The following DLGAP2 variants were observed in gnomAD, a reference collection of about 807,000 sequenced individuals.
The protein encoded by DLGAP2 is DLG associated protein 2, also known as disks large-associated protein 2.
Under a neutral mutation model 100.3 loss-of-function variants are expected in DLGAP2, and 26 were observed. The ratio of observed to expected loss-of-function variants is 0.26; its 90% CI spans 0.19 to 0.36. The LOEUF is 0.36. Among genes scored for constraint, DLGAP2 ranks in the 10% least tolerant of loss-of-function variants. The probability of loss-of-function intolerance (pLI) is 1.00; values close to 1 mark genes in which losing one functional copy is unlikely to be tolerated. For synonymous variants in DLGAP2, 886 were observed against 630.1 expected, an observed-to-expected ratio of 1.41 and a Z score of -6.08; for missense variants, 1,858 against 1,453.2, an observed-to-expected ratio of 1.28 and a Z score of -4.53.
At chr8:936,136 C>T (rs896800466) in intron 2 of DLGAP2, among the ~76,000 whole-genome samples, 2 of 152,044 alleles carry the variant, frequency 1.3e-5, no homozygotes, top group African/African-American at 2.4e-5. Context: ...TACCGTGTGT[C>T]GCTGAGTCAC....
At chr8:894,396 G>T (rs1260890624) in intron 1 of DLGAP2, among the ~76,000 whole-genome samples, 1 of 152,114 alleles carries the variant, frequency 6.6e-6, no homozygotes, top group African/African-American at 2.4e-5. Flanking sequence ...CAGGAGTGAT[G>T]TGTGGGTGAA....
intron 2 of DLGAP2, among the ~76,000 whole-genome samples, chr8:1,151,694 G>C (rs753878239): frequency 1.3e-5 from 2 of 152,200 alleles, no homozygotes; most frequent in African/African-American, 4.8e-5. Flanking sequence ...AGCTCAAAGC[G>C]GTGCTTAGGC....
intron 2 of DLGAP2, among the ~76,000 whole-genome samples, chr8:970,195 C>CT (rs1799978747): frequency 6.6e-6 from 1 of 152,072 alleles, no homozygotes; most frequent in South Asian, 2.1e-4. Flanking sequence ...AGTGATCAAG[C>CT]TTTTCTTCAT....
chr8:1,211,551 G>A (rs1185346042), intron 2 of DLGAP2, among the ~76,000 whole-genome samples: 1 of 152,218 alleles, frequency 6.6e-6, no homozygotes, highest in Non-Finnish European at 1.5e-5. Context: ...TATGTGAGGT[G>A]TTGCCACCAC....
rs368597899 is a variant in DLGAP2 at position 1,565,676 on chromosome 8, C to A, written c.1231-7C>A. On this transcript the variant is annotated splice_polypyrimidine_tract_variant and splice_region_variant and intron_variant, in intron 5 of 14. Transcript: ENST00000637795. The stretch of plus-strand genomic sequence containing the variant: ...TTGATGCGTGTTTCATGTCTGTCTG[C>A]TCCCAGGTACCTCAGGATGAGTGGG... The A allele has an allele frequency of 6.2e-7, 1 of 1,607,390 alleles. No homozygotes were observed. Among genetic ancestry groups the A allele is most frequent in the Non-Finnish European group, 8.5e-7 (1 of 1,176,082 alleles).
intron 2 of DLGAP2, among the ~76,000 whole-genome samples, chr8:1,067,595 G>T (rs980170084): frequency 6.8e-5 from 10 of 146,216 alleles, no homozygotes; most frequent in Non-Finnish European, 1.2e-4. Flanking sequence ...GACTCAGGTG[G>T]TTGAGTGACG....
At chr8:1,077,602 G>A (rs35220148) in intron 2 of DLGAP2, among the ~76,000 whole-genome samples, 66,442 of 151,944 alleles carry the variant, frequency 0.44, 15,209 homozygotes, top group African/African-American at 0.57. Flanking sequence ...GTGTATGCTC[G>A]GGATTGTTTA....
intron 6 of DLGAP2, among the ~76,000 whole-genome samples, chr8:1,610,339 A>G (rs1796954278): frequency 1.3e-5 from 2 of 151,926 alleles, no homozygotes; most frequent in South Asian, 4.2e-4. Context: ...TTTGAAACCA[A>G]CGAGAACAAA....
chr8:1,018,261 A>G (rs569659603), intron 2 of DLGAP2, among the ~76,000 whole-genome samples: 3 of 152,270 alleles, frequency 2.0e-5, no homozygotes, highest in East Asian at 1.9e-4. Flanking sequence ...CTGACACCAT[A>G]GGACTTCCTT....
intron 3 of DLGAP2, among the ~76,000 whole-genome samples, chr8:1,434,599 C>G (rs1463036546): frequency 6.6e-6 from 1 of 152,158 alleles, no homozygotes; most frequent in South Asian, 2.1e-4. Context: ...ACTTCAAGTT[C>G]CCGAGTAGCT....
At chr8:1,577,396 C>T (rs942823776) in intron 6 of DLGAP2, among the ~76,000 whole-genome samples, 1 of 151,868 alleles carries the variant, frequency 6.6e-6, no homozygotes, top group African/African-American at 2.4e-5. Flanking sequence ...TGGCAAAACC[C>T]CATCTTTACT....
rs552271899 is a variant in DLGAP2 at position 1,128,544 on chromosome 8, A to G, written c.74-130307A>G. 2.8e-3 allele frequency among the ~76,000 whole-genome samples: 428 copies of G among 152,330 alleles called. 1 individual carries two copies. The highest frequency in any genetic ancestry group is 4.6e-3 in the South Asian group (22 of 4,824). ...TGTGTGGGTGTGTAGCCCAGAAGCA[A>G]CAAGCTGCACCACACAGCCTGGGTG... is the stretch of plus-strand genomic sequence containing the variant. On this transcript the variant is annotated intron_variant, in intron 2 of 14. Coordinates refer to ENST00000637795, the MANE Select transcript of DLGAP2 (RefSeq NM_001346810.2).
intron 2 of DLGAP2, among the ~76,000 whole-genome samples, chr8:1,076,293 G>T (rs1004829031): frequency 6.6e-6 from 1 of 152,212 alleles, no homozygotes; most frequent in East Asian, 1.9e-4. Context: ...AGCCCCCGCC[G>T]GCTGTCCGCA....
intron 2 of DLGAP2, among the ~76,000 whole-genome samples, chr8:1,166,895 C>A (rs1329650879): frequency 6.6e-6 from 1 of 152,114 alleles, no homozygotes; most frequent in Admixed American, 6.6e-5. Context: ...AAAAAACACT[C>A]CTAGTGTTTG....
chr8:1,102,244 TTAA>T (rs1804608602), intron 2 of DLGAP2, among the ~76,000 whole-genome samples: 2 of 147,780 alleles, frequency 1.4e-5, no homozygotes, highest in Non-Finnish European at 3.0e-5. Context: ...CTTTTACTGA[TTAA>T]TATTAATATA....
At chr8:975,851 C>G (rs2174095) in intron 2 of DLGAP2, among the ~76,000 whole-genome samples, 53,553 of 152,032 alleles carry the variant, frequency 0.35, 11,333 homozygotes, top group Admixed American at 0.53. Context: ...GAAGTTTGAG[C>G]AAATGCAATG....
intron 2 of DLGAP2, among the ~76,000 whole-genome samples, chr8:964,831 G>T (rs1005700657): frequency 6.6e-6 from 1 of 152,244 alleles, no homozygotes; most frequent in Non-Finnish European, 1.5e-5. Context: ...TGCCAGGCTC[G>T]GATCCTGGTG....
intron 2 of DLGAP2, among the ~76,000 whole-genome samples, chr8:1,110,443 G>A (rs962862823): frequency 4.0e-5 from 6 of 149,606 alleles, no homozygotes; most frequent in South Asian, 2.1e-4. Flanking sequence ...TCTGTGACAC[G>A]TGCTGGGTCT....
intron 2 of DLGAP2, among the ~76,000 whole-genome samples, chr8:1,252,375 G>A (rs1324192460): frequency 2.1e-5 from 3 of 144,692 alleles, no homozygotes; most frequent in Non-Finnish European, 4.8e-5. Context: ...ACACTGTGGT[G>A]TTGTCACATG....
Sources: gnomAD v4.1 joint callset for allele counts (sites outside exome capture counted in the v4.1 genomes callset) on GRCh38, gnomAD v4.1.1 for gene constraint, MANE v1.5 for transcripts, NCBI Gene and HGNC (gene_info 2026-07-23, HGNC 2026-07-21) for gene names.